Variants in TMEM132D observed in about 807,000 individuals in gnomAD.
The protein encoded by TMEM132D is mature OL transmembrane protein.
In TMEM132D, 21 loss-of-function variants were observed where a neutral mutation model predicts 62.3. The ratio of observed to expected loss-of-function variants is 0.34; its 90% confidence interval spans 0.24 to 0.49. The LOEUF (loss-of-function observed/expected upper bound fraction) is 0.49. Among genes scored for constraint, TMEM132D ranks in the 20% least tolerant of loss-of-function variants. The pLI, the probability that TMEM132D is intolerant of heterozygous loss-of-function variation, is 0.99. For synonymous variants in TMEM132D, 621 were observed against 575.6 expected (o/e 1.08, Z -1.13); for missense variants, 1,346 against 1,402.8 (o/e 0.96, Z 0.65).
intron 1 of TMEM132D, among the ~76,000 whole-genome samples, chr12:129,708,610 TAAA>T (rs147351316): frequency 3.0e-4 from 10 of 33,116 alleles, no homozygotes; most frequent in African/African-American, 1.3e-3. Context: ...GAGGCTCAGG[TAAA>T]AAAAAAAAAA....
At chr12:129,742,052 T>G (rs1869627303) in intron 1 of TMEM132D, among the ~76,000 whole-genome samples, 1 of 152,134 alleles carries the variant, frequency 6.6e-6, no homozygotes, top group Admixed American at 6.6e-5. Context: ...AAGAGAATGT[T>G]AAGTGATTTG....
intron 1 of TMEM132D, among the ~76,000 whole-genome samples, chr12:129,706,323 T>C (rs1190884211): frequency 6.6e-6 from 1 of 151,940 alleles, no homozygotes; most frequent in Admixed American, 6.5e-5. Flanking sequence ...ATAGATATTC[T>C]ATAGAGAAAG....
intron 1 of TMEM132D, among the ~76,000 whole-genome samples, chr12:129,740,714 G>T (rs1869574383): frequency 6.6e-6 from 1 of 152,002 alleles, no homozygotes; most frequent in African/African-American, 2.4e-5. Context: ...TCTGGTTTGT[G>T]CTATACATTC....
intron 3 of TMEM132D, among the ~76,000 whole-genome samples, chr12:129,419,678 T>C (rs1431556081): frequency 1.3e-5 from 2 of 152,208 alleles, no homozygotes; most frequent in African/African-American, 4.8e-5. Context: ...CTACTTACAA[T>C]GAAGAGAATA....
intron 1 of TMEM132D, among the ~76,000 whole-genome samples, chr12:129,753,632 T>C (rs559859364): frequency 5.9e-4 from 90 of 152,246 alleles, no homozygotes; most frequent in Non-Finnish European, 9.3e-4. Flanking sequence ...TACACACTCA[T>C]ACACAATCAC....
intron 1 of TMEM132D, among the ~76,000 whole-genome samples, chr12:129,818,129 G>A (rs1007050390): frequency 3.4e-5 from 5 of 145,664 alleles, no homozygotes; most frequent in Non-Finnish European, 7.5e-5. Context: ...TATGTGGTTT[G>A]GGTTGTGCAT....
In TMEM132D at chr12:129,577,803, G is replaced by C. The variant is rs543200797; in HGVS notation, c.969-46598C>G. Among the ~76,000 whole-genome samples, 10 of 152,140 alleles carry C rather than the reference G, an allele frequency of 6.6e-5. No individual in the cohort carries two copies. The South Asian group carries it at 1.9e-3, about 28-fold the overall frequency. On this transcript the variant is annotated intron_variant, in intron 2 of 8. Coordinates refer to ENST00000422113, the MANE Select transcript of TMEM132D (RefSeq NM_133448.3). ...ACTCTGTTGTTCAAAGGTCACCTCTGTGTGTGTGTGTCTGTAGAGAGAGAG... is the reference window on the plus strand; with the variant it reads ...ACTCTGTTGTTCAAAGGTCACCTCTCTGTGTGTGTGTCTGTAGAGAGAGAG...
chr12:129,101,272 T>G (rs1010012923), intron 5 of TMEM132D, among the ~76,000 whole-genome samples: 3 of 152,214 alleles, frequency 2.0e-5, no homozygotes, highest in Admixed American at 2.0e-4. Flanking sequence ...CTTCTTTGCC[T>G]CGAGCATTTG....
At chr12:129,436,182 T>C (rs1872782259) in intron 3 of TMEM132D, among the ~76,000 whole-genome samples, 1 of 152,210 alleles carries the variant, frequency 6.6e-6, no homozygotes, top group Non-Finnish European at 1.5e-5. Context: ...TCTCAGAATC[T>C]GGTATCCTGA....
In TMEM132D at chr12:129,344,546, A is replaced by G. The variant is rs1465820957; in HGVS notation, c.1116-6729T>C. Among the ~76,000 whole-genome samples the G allele has an allele frequency of 2.6e-5, 4 of 152,100 alleles. No homozygotes were observed. In the South Asian group the frequency reaches 8.3e-4, roughly 32 times the overall value. ...TCTTAATAAAAGGCAAGGATGCTTGACCAACCTTGGCTTAGAGGCCTGACT... is the reference window on the plus strand; with the variant it reads ...TCTTAATAAAAGGCAAGGATGCTTGGCCAACCTTGGCTTAGAGGCCTGACT... On this transcript the variant is annotated intron_variant, in intron 3 of 8. Coordinates refer to ENST00000422113, the MANE Select transcript of TMEM132D (RefSeq NM_133448.3).
chr12:129,296,408 C>T (rs925954421), intron 4 of TMEM132D, among the ~76,000 whole-genome samples: 5 of 152,186 alleles, frequency 3.3e-5, no homozygotes, highest in Admixed American at 1.3e-4. Context: ...GTTATCACCC[C>T]GGTTACTTCT....
At chr12:129,539,381 G>A (rs1338707147) in intron 2 of TMEM132D, among the ~76,000 whole-genome samples, 1 of 149,148 alleles carries the variant, frequency 6.7e-6, no homozygotes, top group Admixed American at 6.7e-5. Context: ...ACAGGTGTGA[G>A]CCACCACATT....
rs56766651 is a variant in TMEM132D, at chr12:129,710,735, A to G, written c.80-10037T>C. The stretch of plus-strand genomic sequence containing the variant: ...CTTGAATGTAAGACAAACTAGGTCC[A>G]GAAAGAGGCGAACACTTGAAAGCCC... On this transcript the variant is annotated intron_variant, in intron 1 of 8. Coordinates refer to ENST00000422113, the MANE Select transcript of TMEM132D (RefSeq NM_133448.3). Among the ~76,000 whole-genome samples, 323 of 152,352 alleles carry G rather than the reference A, an allele frequency of 2.1e-3. 2 individuals carry two copies. The highest frequency in any genetic ancestry group is 7.0e-3 in the African/African-American group (292 of 41,590).
At chr12:129,148,551 G>T (rs1876977716) in intron 5 of TMEM132D, among the ~76,000 whole-genome samples, 1 of 152,118 alleles carries the variant, frequency 6.6e-6, no homozygotes, top group Non-Finnish European at 1.5e-5. Flanking sequence ...CTCTCCCTAA[G>T]CTCCCCCTGC....
chr12:129,627,296 C>T (rs1219049517), intron 2 of TMEM132D, among the ~76,000 whole-genome samples: 1 of 152,146 alleles, frequency 6.6e-6, no homozygotes, highest in Non-Finnish European at 1.5e-5. Context: ...ATTTTCTATG[C>T]TTACACATGG....
intron 1 of TMEM132D, among the ~76,000 whole-genome samples, chr12:129,859,551 G>A (rs767618656): frequency 3.3e-5 from 5 of 152,190 alleles, no homozygotes; most frequent in Non-Finnish European, 7.3e-5. Context: ...GGTGTTGCCA[G>A]AGAAGATGAA....
intron 3 of TMEM132D, among the ~76,000 whole-genome samples, chr12:129,404,262 G>A (rs1407204392): frequency 6.6e-5 from 10 of 151,624 alleles, no homozygotes; most frequent in East Asian, 3.9e-4. Flanking sequence ...GCAGTGGTAC[G>A]ATCTCGGCTC....
chr12:129,704,298 T>C (rs1054808828), intron 1 of TMEM132D, among the ~76,000 whole-genome samples: 1 of 152,246 alleles, frequency 6.6e-6, no homozygotes, highest in Admixed American at 6.5e-5. Context: ...CTGACAAATC[T>C]ACCCTGATAT....
chr12:129,571,133 G>A (rs1031442386), intron 2 of TMEM132D, among the ~76,000 whole-genome samples: 26 of 152,340 alleles, frequency 1.7e-4, no homozygotes, highest in Admixed American at 2.0e-4. Context: ...TGTAGCCAAA[G>A]GGAAGTTGTC....
Sources: allele counts gnomAD v4.1 joint callset (sites outside exome capture counted in the v4.1 genomes callset), GRCh38; gene constraint gnomAD v4.1.1; transcripts MANE v1.5; gene names NCBI Gene and HGNC (gene_info 2026-07-23, HGNC 2026-07-21).